The following DNAH7 variants were observed in gnomAD, a reference collection of about 807,000 sequenced individuals.
DNAH7 encodes the protein axonemal beta dynein heavy chain 7.
In DNAH7, 397 loss-of-function variants were observed where a neutral mutation model predicts 444.6. The observed-to-expected ratio is 0.89, with a 90% CI of 0.82 to 0.97. The LOEUF (loss-of-function observed/expected upper bound fraction) is 0.97. Among genes scored for constraint, DNAH7 ranks in the 50% least tolerant of loss-of-function variants. The pLI is 0.00. For missense variants in DNAH7, 4,902 were observed against 4,800.8 expected (o/e 1.02, Z -0.62); for synonymous variants, 1,636 against 1,624.4 (o/e 1.01, Z -0.17).
chr2:195,966,886 T>C (rs1408398952), intron 17 of DNAH7, among the ~76,000 whole-genome samples: 1 of 152,046 alleles, frequency 6.6e-6, no homozygotes, highest in Non-Finnish European at 1.5e-5. Context: ...GGTCTTGCTG[T>C]TTTTTTTAAA....
At position 195,897,781 on chromosome 2, in the gene DNAH7, A is replaced by C; in HGVS notation, c.4549-16T>G. The C allele has an allele frequency of 4.7e-6, 7 of 1,504,934 alleles. No homozygotes were observed. The highest frequency in any genetic ancestry group is 6.4e-6 in the Non-Finnish European group (7 of 1,098,612). The allele number at this position is 1,504,934 out of a possible 1,614,324, so 93.2% of individuals were successfully genotyped here. On this transcript the variant is annotated splice_polypyrimidine_tract_variant and intron_variant, in intron 28 of 64. Transcript: ENST00000312428. Reference sequence around the variant, plus strand: ...GATATTTCAGCTAAAAAAAAAAAAAAAAACTCATGAGGATATCTGCATCTC... The same window carrying C: ...GATATTTCAGCTAAAAAAAAAAAAACAAACTCATGAGGATATCTGCATCTC...
intron 31 of DNAH7, among the ~76,000 whole-genome samples, chr2:195,890,156 A>G (rs1471512637): frequency 2.0e-5 from 3 of 152,178 alleles, no homozygotes; most frequent in African/African-American, 7.2e-5. Context: ...GCATTAATCT[A>G]TAAGATAACG....
At chr2:195,863,282 T>C (rs773019380) in intron 41 of DNAH7, among the ~76,000 whole-genome samples, 3 of 152,210 alleles carry the variant, frequency 2.0e-5, no homozygotes, top group Non-Finnish European at 4.4e-5. Context: ...TCTGTAAACT[T>C]TCCAAGGTCA....
chr2:196,002,884 T>C (rs901144022), intron 10 of DNAH7, among the ~76,000 whole-genome samples: 4 of 151,956 alleles, frequency 2.6e-5, no homozygotes, highest in Admixed American at 1.3e-4. Flanking sequence ...GGTGAGTGCC[T>C]GTAATCCCAG....
At position 195,853,513 on chromosome 2, in the gene DNAH7, T is replaced by C; in HGVS notation, c.8611A>G (p.Lys2871Glu). ...DLENQVDLCS[K>E]KLERAEQLIG... is the part of the protein sequence containing the mutation. ...AACTGTTCAGCTCGTTCTAGTTTTT[T>C]GCTGCAAAGGTCAACCTCGAAAATA... is the stretch of plus-strand genomic sequence containing the variant. The change falls in exon 46 of 65, where the codon AAA becomes GAA. Residue 2871 changes from lysine (K) to glutamate (E), a missense_variant. Lys to Glu is a moderately conservative substitution (Grantham distance 56). Transcript: ENST00000312428. 6.2e-7 allele frequency: 1 copy of C among 1,609,858 alleles called. No individual in the cohort carries two copies. Among genetic ancestry groups the C allele is most frequent in the Non-Finnish European group, 8.5e-7 (1 of 1,177,870 alleles).
chr2:195,835,046 G>C (rs1345823744), intron 47 of DNAH7, among the ~76,000 whole-genome samples: 1 of 152,112 alleles, frequency 6.6e-6, no homozygotes, highest in Admixed American at 6.5e-5. Context: ...GAGGAACCCA[G>C]TTTATTTTCT....
In DNAH7 at chr2:195,858,805, C is replaced by T. The variant is rs1214930969; in HGVS notation, c.7737-1G>A. The stretch of plus-strand genomic sequence containing the variant: ...TCTCTTTTTCATTTTCATTACTTCA[C>T]TGGAAGGAAATAGATAAAACAAAGT... On this transcript the variant is annotated splice_acceptor_variant, in intron 42 of 64. Coordinates refer to ENST00000312428, the MANE Select transcript of DNAH7 (RefSeq NM_018897.3). LOFTEE classifies it high-confidence loss of function. 1.2e-6 allele frequency: 2 copies of T among 1,600,808 alleles called. No homozygotes were observed. Among genetic ancestry groups the T allele is most frequent in the Non-Finnish European group, 1.7e-6 (2 of 1,173,994 alleles).
At position 195,808,708 on chromosome 2, in the gene DNAH7, C is replaced by T. The variant is rs377525222; in HGVS notation, c.10057G>A (p.Gly3353Arg). 1.5e-5 allele frequency: 24 copies of T among 1,613,768 alleles called. No homozygotes were observed. The highest frequency in any genetic ancestry group is 1.7e-5 in the Non-Finnish European group (20 of 1,179,906). Residue 3353 changes from glycine to arginine, a missense_variant, in exon 53 of 65, where the codon GGA becomes AGA. Physicochemically the swap from Gly to Arg is moderately radical, Grantham distance 125. Transcript: ENST00000312428. Reference protein sequence around the residue: ...IRREFMRLKDGWKKVYDSLEP... With the variant: ...IRREFMRLKDRWKKVYDSLEP... ...AAACTATCATATACTTTCTTCCATC[C>T]ATCCTTTAAGCGCATAAACTCTCTA... is the stretch of plus-strand genomic sequence containing the variant.
Position 196,068,698 on chromosome 2 carries a change from T to C in DNAH7, c.14A>G (p.Gln5Arg). MSSE[Q>R]DKSASKEKSK... The stretch of plus-strand genomic sequence containing the variant: ...CCTGGCAAAGAGCAGCCCTCTCACC[T>C]GCTCACTGCTCATGGCTGCGAGGAC... The change falls in exon 1 of 65, where the codon CAG becomes CGG. Residue 5 changes from glutamine (Q) to arginine (R), a missense_variant and splice_region_variant. Coordinates refer to ENST00000312428, the MANE Select transcript of DNAH7 (RefSeq NM_018897.3). 2.6e-6 allele frequency: 4 copies of C among 1,551,516 alleles called. No individual in the cohort carries two copies. The highest frequency in any genetic ancestry group is 3.5e-6 in the Non-Finnish European group (4 of 1,147,298).
chr2:195,957,175 A>G (rs1690723993), intron 19 of DNAH7, 86 bp downstream of exon 19: 3 of 1,151,042 alleles, frequency 2.6e-6, no homozygotes, highest in Non-Finnish European at 3.5e-6. Flanking sequence ...CTTATTGGAA[A>G]CAATAATGGC....
Position 195,737,788 on chromosome 2 carries a change from A to T in DNAH7, c.*133T>A, listed in dbSNP as rs1322226806. On this transcript the variant is annotated 3_prime_UTR_variant, in exon 65 of 65. Coordinates refer to ENST00000312428, the MANE Select transcript of DNAH7 (RefSeq NM_018897.3). ...ATATTAAGTTTAGCTGCATTTGCTCATAAGTAAATTCATAATTATAACTTT... is the reference window on the plus strand; with the variant it reads ...ATATTAAGTTTAGCTGCATTTGCTCTTAAGTAAATTCATAATTATAACTTT... 2 of 753,620 alleles carry T rather than the reference A, an allele frequency of 2.7e-6. No homozygotes were observed. Among genetic ancestry groups the T allele is most frequent in the Non-Finnish European group, 4.2e-6 (2 of 475,296 alleles). The allele number at this position is 753,620 out of a possible 1,614,324, so 46.7% of individuals were successfully genotyped here.
At chr2:195,849,523 C>T (rs562063786) in intron 46 of DNAH7, among the ~76,000 whole-genome samples, 1 of 152,076 alleles carries the variant, frequency 6.6e-6, no homozygotes, top group East Asian at 1.9e-4. Flanking sequence ...GGTATTGCTA[C>T]GTAGGGAGGA....
chr2:195,991,527 T>C (rs573021780), intron 12 of DNAH7, among the ~76,000 whole-genome samples: 30 of 152,334 alleles, frequency 2.0e-4, no homozygotes, highest in African/African-American at 7.0e-4. Flanking sequence ...CTAGAAAATA[T>C]TCTGGCAGTG....
Position 195,737,773 on chromosome 2 carries a change from T to C in DNAH7, c.*148A>G. ...ATTTAAGTATGAGTCATATTAAGTTTAGCTGCATTTGCTCATAAGTAAATT... is the reference window on the plus strand; with the variant it reads ...ATTTAAGTATGAGTCATATTAAGTTCAGCTGCATTTGCTCATAAGTAAATT... On this transcript the variant is annotated 3_prime_UTR_variant, in exon 65 of 65. Transcript: ENST00000312428. The C allele has an allele frequency of 1.5e-6, 1 of 663,498 alleles. No homozygotes were observed. The highest frequency in any genetic ancestry group is 2.5e-6 in the Non-Finnish European group (1 of 396,558). 41.1% of individuals were successfully genotyped at this position (663,498 alleles called of 1,614,324 possible). A position where few individuals can be genotyped will look rare whatever the true frequency, so the allele number is the denominator to read the frequency against.
In DNAH7 at chr2:195,873,874, C is replaced by T. The variant is rs341935; in HGVS notation, c.6287-180G>A. 3.5e-3 allele frequency among the ~76,000 whole-genome samples: 539 copies of T among 152,136 alleles called. 5 individuals are homozygous for T. The highest frequency in any genetic ancestry group is 0.013 in the African/African-American group (519 of 41,494). On this transcript the variant is annotated intron_variant, in intron 38 of 64. Transcript: ENST00000312428. ...AACTATTTTTCCCTCAAATTCAAGA[C>T]GTTACTTTTCTAGGTGAATTATCTG... is the stretch of plus-strand genomic sequence containing the variant.
intron 61 of DNAH7, among the ~76,000 whole-genome samples, chr2:195,764,211 T>A (rs1694470373): frequency 6.6e-6 from 1 of 151,776 alleles, no homozygotes; most frequent in Non-Finnish European, 1.5e-5. Context: ...AAAAAAACTT[T>A]AAAAACTGGG....
chr2:195,931,929 C>T (rs966699676), intron 21 of DNAH7, among the ~76,000 whole-genome samples: 1 of 152,024 alleles, frequency 6.6e-6, no homozygotes, highest in Non-Finnish European at 1.5e-5. Flanking sequence ...TCCATATGAA[C>T]TTTAAAGTAG....
intron 46 of DNAH7, among the ~76,000 whole-genome samples, chr2:195,848,981 C>T (rs938998823): frequency 2.6e-5 from 4 of 152,210 alleles, no homozygotes; most frequent in African/African-American, 2.4e-5. Context: ...TGTTAAATTG[C>T]TCTTTTCCCC....
At chr2:195,922,624 C>T (rs1350222039) in intron 23 of DNAH7, among the ~76,000 whole-genome samples, 2 of 152,076 alleles carry the variant, frequency 1.3e-5, no homozygotes, top group African/African-American at 4.8e-5. Flanking sequence ...AATTTGTTTC[C>T]CAGGACGCTA....
Sources: allele counts gnomAD v4.1 joint callset (sites outside exome capture counted in the v4.1 genomes callset), GRCh38; gene constraint gnomAD v4.1.1; transcripts MANE v1.5; gene names NCBI Gene and HGNC (gene_info 2026-07-23, HGNC 2026-07-21).